The following LHFPL3 variants were observed in gnomAD, a reference collection of about 807,000 sequenced individuals.
The protein encoded by LHFPL3 is LHFPL tetraspan subfamily member 3, also known as LHFPL tetraspan subfamily member 3 protein.
Under a neutral mutation model 19.3 loss-of-function variants are expected in LHFPL3, and 5 were observed. The ratio of observed to expected loss-of-function variants is 0.26; its 90% CI spans 0.14 to 0.54. The LOEUF (loss-of-function observed/expected upper bound fraction) is 0.54, where lower values mean the gene tolerates loss of function less well. LHFPL3 is among the 20% of genes least tolerant of loss of function. The pLI, the probability that LHFPL3 is intolerant of heterozygous loss-of-function variation, is 0.94. For missense variants in LHFPL3, 249 were observed against 307.4 expected (o/e 0.81, Z 1.42); for synonymous variants, 133 against 126.2 (o/e 1.05, Z -0.36).
chr7:104,838,573 T>A (rs1791141162), intron 2 of LHFPL3, among the ~76,000 whole-genome samples: 1 of 152,236 alleles, frequency 6.6e-6, no homozygotes, highest in Admixed American at 6.5e-5. Flanking sequence ...TTTTCCAGAA[T>A]CTGACTTGTA....
intron 1 of LHFPL3, among the ~76,000 whole-genome samples, chr7:104,518,797 T>TGATAGATAGATAGATA (rs56373754): frequency 6.5e-4 from 90 of 138,638 alleles, no homozygotes; most frequent in Middle Eastern, 3.5e-3. Context: ...AATAAATAGA[T>TGATAGATAGATAGATA]GATAGATAGA....
At chr7:104,770,248 C>A (rs1794528910) in intron 2 of LHFPL3, among the ~76,000 whole-genome samples, 2 of 151,964 alleles carry the variant, frequency 1.3e-5, no homozygotes, top group Non-Finnish European at 2.9e-5. Context: ...TATTATATGA[C>A]CCCAAACAGA....
intron 1 of LHFPL3, among the ~76,000 whole-genome samples, chr7:104,465,496 A>C (rs535432853): frequency 6.6e-6 from 1 of 152,336 alleles, no homozygotes; most frequent in Non-Finnish European, 1.5e-5. Flanking sequence ...TTGGTAATTT[A>C]TGAAGGAAAG....
At chr7:104,672,864 C>T (rs1432304513) in intron 1 of LHFPL3, among the ~76,000 whole-genome samples, 1 of 152,048 alleles carries the variant, frequency 6.6e-6, no homozygotes, top group Admixed American at 6.5e-5. Context: ...CTGCCATGCT[C>T]TTGAAAGCAA....
chr7:104,453,404 G>C (rs1170326423), intron 1 of LHFPL3, among the ~76,000 whole-genome samples: 1 of 152,074 alleles, frequency 6.6e-6, no homozygotes. Flanking sequence ...GTTAGACTCA[G>C]CCTTCTACAG....
In LHFPL3 at chr7:104,460,624, A is replaced by C. The variant is rs143652341; in HGVS notation, c.445+131400A>C. Among the ~76,000 whole-genome samples, 1,172 of 151,952 alleles carry C rather than the reference A, an allele frequency of 7.7e-3. 13 individuals are homozygous for C. Among genetic ancestry groups the C allele is most frequent in the African/African-American group, 0.027 (1,120 of 41,432 alleles). On this transcript the variant is annotated intron_variant, in intron 1 of 2. Coordinates refer to ENST00000424859, the MANE Select transcript of LHFPL3 (RefSeq NM_199000.3). ...GTGATATTGAGGTTTTTTTAATATGATTGTTGCCCACATGTATGTCTTCTT... is the reference window on the plus strand; with the variant it reads ...GTGATATTGAGGTTTTTTTAATATGCTTGTTGCCCACATGTATGTCTTCTT...
intron 1 of LHFPL3, among the ~76,000 whole-genome samples, chr7:104,425,631 A>G (rs1266622033): frequency 2.0e-5 from 3 of 152,236 alleles, no homozygotes; most frequent in African/African-American, 7.2e-5. Context: ...TTTTCCTTGA[A>G]TATTCAGCTT....
chr7:104,461,278 A>G (rs948268659), intron 1 of LHFPL3, among the ~76,000 whole-genome samples: 2 of 152,154 alleles, frequency 1.3e-5, no homozygotes, highest in Non-Finnish European at 2.9e-5. Flanking sequence ...AATTATCTCT[A>G]CCTGGTCCCA....
chr7:104,455,746 C>T (rs1260274778), intron 1 of LHFPL3, among the ~76,000 whole-genome samples: 1 of 152,132 alleles, frequency 6.6e-6, no homozygotes, highest in Non-Finnish European at 1.5e-5. Flanking sequence ...ATAGTTATTC[C>T]TCTCAGATTG....
intron 1 of LHFPL3, among the ~76,000 whole-genome samples, chr7:104,400,053 G>A (rs952936739): frequency 3.1e-5 from 4 of 130,346 alleles, no homozygotes; most frequent in African/African-American, 1.1e-4. Flanking sequence ...ACAGTGAGCC[G>A]AGATTACACC....
At chr7:104,510,966 G>A (rs1793801383) in intron 1 of LHFPL3, among the ~76,000 whole-genome samples, 1 of 151,986 alleles carries the variant, frequency 6.6e-6, no homozygotes, top group Non-Finnish European at 1.5e-5. Context: ...CTTAATACCT[G>A]GGTGATGAAA....
At chr7:104,577,236 T>C (rs891865151) in intron 1 of LHFPL3, among the ~76,000 whole-genome samples, 3 of 152,040 alleles carry the variant, frequency 2.0e-5, no homozygotes, top group Admixed American at 2.0e-4. Flanking sequence ...GCTAGACATA[T>C]TAAGTGGGTA....
intron 1 of LHFPL3, among the ~76,000 whole-genome samples, chr7:104,658,013 G>GAA (rs11436453): frequency 6.6e-6 from 1 of 151,942 alleles, no homozygotes; most frequent in African/African-American, 2.4e-5. Context: ...GCCTTTGACA[G>GAA]AAAAAAGATA....
At chr7:104,721,560 C>G (rs1793493665) in intron 1 of LHFPL3, among the ~76,000 whole-genome samples, 1 of 151,872 alleles carries the variant, frequency 6.6e-6, no homozygotes, top group Non-Finnish European at 1.5e-5. Context: ...ATCAGGCCAG[C>G]CTGATGTAGG....
At chr7:104,619,796 T>C (rs1042791127) in intron 1 of LHFPL3, among the ~76,000 whole-genome samples, 1 of 152,170 alleles carries the variant, frequency 6.6e-6, no homozygotes, top group Non-Finnish European at 1.5e-5. Context: ...CCCCAATCTT[T>C]TTGGCACCAG....
chr7:104,867,598 C>CA (rs1002166883), intron 2 of LHFPL3, among the ~76,000 whole-genome samples: 6 of 151,754 alleles, frequency 4.0e-5, no homozygotes, highest in Non-Finnish European at 8.8e-5. Context: ...AGCTTACCAA[C>CA]AAAAAAAAGT....
At chr7:104,722,978 G>A (rs551622344) in intron 1 of LHFPL3, among the ~76,000 whole-genome samples, 1 of 152,308 alleles carries the variant, frequency 6.6e-6, no homozygotes, top group African/African-American at 2.4e-5. Flanking sequence ...AAATGGGATA[G>A]TCAGACCAGC....
chr7:104,642,843 C>T (rs972794997), intron 1 of LHFPL3, among the ~76,000 whole-genome samples: 56 of 152,318 alleles, frequency 3.7e-4, no homozygotes, highest in African/African-American at 1.3e-3. Context: ...AGGCATTCCA[C>T]ATGTAAAAAG....
chr7:104,532,318 C>CTTTTTTTTTTT (rs71155504), intron 1 of LHFPL3, among the ~76,000 whole-genome samples: 39 of 87,214 alleles, frequency 4.5e-4, no homozygotes, highest in East Asian at 8.3e-4. Flanking sequence ...TTCTTTCTGT[C>CTTTTTTTTTTT]TTTTTTTTTT....
Sources: allele counts gnomAD v4.1 joint callset (sites outside exome capture counted in the v4.1 genomes callset), GRCh38; gene constraint gnomAD v4.1.1; transcripts MANE v1.5; gene names NCBI Gene and HGNC (gene_info 2026-07-23, HGNC 2026-07-21).